Variants in CLIP2 observed in about 807,000 individuals in gnomAD.
The protein encoded by CLIP2 is CAP-Gly domain containing linker protein 2.
A neutral mutation model predicts 111.7 loss-of-function variants in CLIP2; 41 were observed. That is an observed-to-expected ratio of 0.37 (90% CI 0.29 to 0.48). The LOEUF is 0.48. CLIP2 is among the 20% of genes least tolerant of loss of function. The probability of loss-of-function intolerance (pLI) is 0.99; values close to 1 mark genes in which losing one functional copy is unlikely to be tolerated. For missense variants in CLIP2, 1,160 were observed against 1,422.1 expected (o/e 0.82, Z 2.96); for synonymous variants, 660 against 644.2 (o/e 1.02, Z -0.37).
rs1554312884 is a variant in CLIP2 at position 74,376,461 on chromosome 7, A to C, written c.2060A>C (p.Glu687Ala). The C allele has an allele frequency of 6.2e-7, 1 of 1,613,710 alleles. No homozygotes were observed. The highest frequency in any genetic ancestry group is 8.5e-7 in the Non-Finnish European group (1 of 1,179,924). ...MHVKEKEALR[E>A]KLQEAQEELA... is the part of the protein sequence containing the mutation. ...GTGAAGGAGAAGGAGGCCCTGCGAG[A>C]GAAGCTGCAGGAGGCCCAGGAGGAG... Residue 687 changes from glutamate to alanine, a missense_variant, in exon 10 of 17, where the codon GAG becomes GCG. Physicochemically the swap from Glu to Ala is moderately radical, Grantham distance 107 (BLOSUM62 -1). Around this residue, in one of 5 missense-constraint regions of CLIP2, gnomAD observed 676 missense variants for 777.8 expected, o/e 0.87. Coordinates refer to ENST00000223398, the MANE Select transcript of CLIP2 (RefSeq NM_003388.5). This position sits in a 1 kb window ranked among gnomAD's most constrained non-coding sequence, Gnocchi z 7.1.
intron 1 of CLIP2, among the ~76,000 whole-genome samples, chr7:74,306,636 C>T (rs782243905): frequency 1.2e-4 from 18 of 152,168 alleles, no homozygotes; most frequent in Non-Finnish European, 2.5e-4. Flanking sequence ...GCAGCCGGGG[C>T]TTGTCTCTGG....
At chr7:74,390,813 C>T (rs1016826476) in intron 13 of CLIP2, among the ~76,000 whole-genome samples, 4 of 151,690 alleles carry the variant, frequency 2.6e-5, no homozygotes, top group Non-Finnish European at 4.4e-5. Flanking sequence ...TTTGGGAGGT[C>T]GAGGTGGGCA....
intron 14 of CLIP2, among the ~76,000 whole-genome samples, chr7:74,399,578 C>T (rs1435457464): frequency 6.8e-6 from 1 of 147,058 alleles, no homozygotes; most frequent in Non-Finnish European, 1.5e-5. Flanking sequence ...CTCACTCTGT[C>T]GCCCAGGCTG....
intron 8 of CLIP2, among the ~76,000 whole-genome samples, chr7:74,371,644 A>AGAGG: frequency 1.6e-5 from 2 of 124,548 alleles, no homozygotes; most frequent in Non-Finnish European, 3.3e-5. Flanking sequence ...ATGGAGAGAG[A>AGAGG]GAGGGAGGGA....
chr7:74,399,358 C>A (rs1162981257), intron 14 of CLIP2, among the ~76,000 whole-genome samples: 5 of 151,924 alleles, frequency 3.3e-5, no homozygotes, highest in Admixed American at 6.6e-5. Context: ...GACCTCATAA[C>A]AAGACCGCAT....
chr7:74,348,789 CAA>C (rs377752236), intron 3 of CLIP2, among the ~76,000 whole-genome samples: 9 of 108,388 alleles, frequency 8.3e-5, no homozygotes, highest in Admixed American at 2.0e-4. Context: ...GACTCTGTCT[CAA>C]AAAAAAAAAA....
chr7:74,352,676 G>A (rs1176409217), intron 3 of CLIP2, among the ~76,000 whole-genome samples: 1 of 144,614 alleles, frequency 6.9e-6, no homozygotes, highest in African/African-American at 2.5e-5. Context: ...AGGAGGCTGA[G>A]GTAGGAGAAT....
intron 6 of CLIP2, among the ~76,000 whole-genome samples, chr7:74,358,907 C>G (rs1790232118): frequency 6.6e-6 from 1 of 152,134 alleles, no homozygotes; most frequent in Non-Finnish European, 1.5e-5. Flanking sequence ...CTGTCTATCA[C>G]AGGCTTTGTC....
intron 1 of CLIP2, among the ~76,000 whole-genome samples, chr7:74,304,008 G>A (rs112208783): frequency 0.012 from 1,844 of 151,878 alleles, 35 homozygotes; most frequent in African/African-American, 0.039. Flanking sequence ...CAAACTTCTG[G>A]ACTCAAGCAA....
At chr7:74,328,244 G>A (rs1402924001) in intron 2 of CLIP2, among the ~76,000 whole-genome samples, 1 of 152,162 alleles carries the variant, frequency 6.6e-6, no homozygotes, top group Non-Finnish European at 1.5e-5. Context: ...AGGGAAAGTG[G>A]CCTCTTCAAG....
At chr7:74,311,355 A>G (rs1788636551) in intron 1 of CLIP2, among the ~76,000 whole-genome samples, 1 of 152,188 alleles carries the variant, frequency 6.6e-6, no homozygotes, top group Non-Finnish European at 1.5e-5. Context: ...CACCAACACT[A>G]CGAGCATTTC....
chr7:74,364,994 TG>T (rs1281249062), intron 8 of CLIP2: 129 of 5,616 alleles, frequency 0.023, 2 homozygotes, highest in South Asian at 0.1. Flanking sequence ...TGTTTTTTGT[TG>T]TGTGTGTGTG....
intron 2 of CLIP2, among the ~76,000 whole-genome samples, chr7:74,328,629 G>T (rs1054307619): frequency 1.3e-5 from 2 of 152,186 alleles, no homozygotes; most frequent in Non-Finnish European, 2.9e-5. Flanking sequence ...ATGTGGAGTT[G>T]CTATGGACGG....
intron 6 of CLIP2, 88 bp from the exon 7 acceptor site, chr7:74,360,087 C>T (rs1194438297): frequency 1.8e-6 from 2 of 1,099,988 alleles, no homozygotes; most frequent in Non-Finnish European, 2.6e-6. Context: ...CCAGGCCCTG[C>T]TCCTTGCCTG....
rs782674938 is a variant in CLIP2 at position 74,397,061 on chromosome 7, GCCTCA to G, written c.2721-10_2721-6del. Reference sequence around the variant, plus strand: ...GGCTGAGTGCAGTGGTTCTGTGCCCGCCTCACCCCCAGGAGCCTGAACGAACTGCG... The same window carrying G: ...GGCTGAGTGCAGTGGTTCTGTGCCCGCCCCCAGGAGCCTGAACGAACTGCG... On this transcript the variant is annotated splice_region_variant and splice_polypyrimidine_tract_variant and intron_variant, in intron 13 of 16. Transcript: ENST00000223398. 1.2e-6 allele frequency: 2 copies of G among 1,612,394 alleles called. No homozygotes were observed. Among genetic ancestry groups the G allele is most frequent in the African/African-American group, 2.7e-5 (2 of 74,786 alleles).
At chr7:74,372,031 A>T (rs1790640624) in intron 8 of CLIP2, among the ~76,000 whole-genome samples, 1 of 152,080 alleles carries the variant, frequency 6.6e-6, no homozygotes, top group Non-Finnish European at 1.5e-5. Context: ...CTGGAGTATA[A>T]AGAGGACCCT....
chr7:74,355,521 G>T lies in CLIP2; in HGVS notation c.804-889G>T, dbSNP rs185674457. 3.2e-4 allele frequency among the ~76,000 whole-genome samples: 49 copies of T among 152,230 alleles called. No homozygotes were observed. The East Asian group carries it at 8.5e-3, about 26-fold the overall frequency. ...GCTACCTGGGAGGCTGAGGTGGGAG[G>T]ATTGCATGAGCCCAGGAGGTTGAGG... is the stretch of plus-strand genomic sequence containing the variant. On this transcript the variant is annotated intron_variant, in intron 4 of 16. Transcript: ENST00000223398.
chr7:74,295,054 A>C (rs1401252672), intron 1 of CLIP2, among the ~76,000 whole-genome samples: 1 of 152,110 alleles, frequency 6.6e-6, no homozygotes, highest in East Asian at 1.9e-4. Flanking sequence ...TTGACCTCCC[A>C]GGCTCAAGCC....
chr7:74,403,721 G>A (rs911102400), intron 16 of CLIP2, 116 bp from the exon 17 acceptor site: 20 of 1,039,340 alleles, frequency 1.9e-5, no homozygotes, highest in South Asian at 7.6e-5. Flanking sequence ...CATGCAGTTC[G>A]CTCTATGCTC....
Sources: allele counts gnomAD v4.1 joint callset (sites outside exome capture counted in the v4.1 genomes callset), GRCh38; gene constraint gnomAD v4.1.1; regional missense constraint gnomAD v4.1.1; non-coding constraint Gnocchi (gnomAD v3.1); transcripts MANE v1.5; gene names NCBI Gene and HGNC (gene_info 2026-07-23, HGNC 2026-07-21).